The following ACACA variants were observed in gnomAD, a reference collection of about 807,000 sequenced individuals.
ACACA encodes the protein acetyl-CoA carboxylase 1.
Under a neutral mutation model 296.1 loss-of-function variants are expected in ACACA, and 103 were observed. The ratio of observed to expected loss-of-function variants is 0.35; its 90% CI spans 0.30 to 0.41. ACACA has a LOEUF of 0.41. Among genes scored for constraint, ACACA ranks in the 10% least tolerant of loss-of-function variants. The probability of loss-of-function intolerance (pLI) is 1.00; values close to 1 mark genes in which losing one functional copy is unlikely to be tolerated. For missense variants in ACACA, 1,554 were observed against 2,989.7 expected, an observed-to-expected ratio of 0.52 and a Z score of 11.20; for synonymous variants, 953 against 1,038.6, an observed-to-expected ratio of 0.92 and a Z score of 1.58.
At chr17:37,224,198 T>G (rs1055947541) in intron 27 of ACACA, among the ~76,000 whole-genome samples, 1 of 152,152 alleles carries the variant, frequency 6.6e-6, no homozygotes, top group African/African-American at 2.4e-5. Context: ...TGAGACTCTG[T>G]CTCAGAAAAA....
At chr17:37,349,133 T>A (rs959649317) in intron 1 of ACACA, among the ~76,000 whole-genome samples, 1 of 150,704 alleles carries the variant, frequency 6.6e-6, no homozygotes, top group Non-Finnish European at 1.5e-5. Context: ...TGATCGCCGC[T>A]CACTGCAACC....
intron 1 of ACACA, among the ~76,000 whole-genome samples, chr17:37,396,067 T>C (rs181999790): frequency 6.6e-6 from 1 of 152,086 alleles, no homozygotes; most frequent in Admixed American, 6.6e-5. Flanking sequence ...CAGCCAGGCA[T>C]GGTAGCTCAC....
At chr17:37,346,841 T>C (rs1400619550) in intron 1 of ACACA, among the ~76,000 whole-genome samples, 5 of 152,194 alleles carry the variant, frequency 3.3e-5, no homozygotes, top group East Asian at 3.8e-4. Flanking sequence ...CCATTGTATC[T>C]AGGAAGTAAA....
At chr17:37,095,970 TAC>T (rs1318272590) in intron 54 of ACACA, among the ~76,000 whole-genome samples, 1 of 152,136 alleles carries the variant, frequency 6.6e-6, no homozygotes, top group Non-Finnish European at 1.5e-5. Flanking sequence ...TCAGTGGGGT[TAC>T]TGCTCTAGGT....
chr17:37,349,561 C>CT (rs71135708), intron 1 of ACACA, among the ~76,000 whole-genome samples: 26,925 of 134,776 alleles, frequency 0.2, 3,346 homozygotes, highest in Admixed American at 0.35. Flanking sequence ...ATATATATAG[C>CT]TTTTTTTTTT....
Position 37,206,836 on chromosome 17 carries a change from G to C in ACACA, c.3895C>G (p.Gln1299Glu), listed in dbSNP as rs1243462510. The change falls in exon 32 of 56, where the codon CAG (glutamine) becomes GAG (glutamate). Residue 1299 changes from glutamine (Q) to glutamate (E), a missense_variant. Physicochemically the swap from Gln to Glu is conservative, Grantham distance 29. Transcript: ENST00000616317. ...VMGCFSDSPP[Q>E]SPTFPEAGHT... Reference sequence around the variant, plus strand: ...CCTGCCTCAGGGAATGTGGGACTCTGGGGTGGGGAGTCAGAGAAGCAGCCC... The same window carrying C: ...CCTGCCTCAGGGAATGTGGGACTCTCGGGTGGGGAGTCAGAGAAGCAGCCC... 1 of 1,613,916 alleles carries C rather than the reference G, an allele frequency of 6.2e-7. No homozygotes were observed. Among genetic ancestry groups the C allele is most frequent in the Non-Finnish European group, 8.5e-7 (1 of 1,179,806 alleles).
chr17:37,243,890 T>C (rs2080549708), intron 21 of ACACA, among the ~76,000 whole-genome samples: 2 of 152,188 alleles, frequency 1.3e-5, no homozygotes, highest in South Asian at 4.1e-4. Context: ...TTTATATAAT[T>C]TTCAATAGAT....
chr17:37,252,865 T>A (rs777784769), intron 15 of ACACA, 21 bp downstream of exon 15: 5 of 1,614,014 alleles, frequency 3.1e-6, no homozygotes, highest in Non-Finnish European at 4.2e-6. Flanking sequence ...TCCCAGCATC[T>A]GTTTGTGGAG....
At chr17:37,286,880 T>C (rs2082800778) in intron 3 of ACACA, among the ~76,000 whole-genome samples, 1 of 152,206 alleles carries the variant, frequency 6.6e-6, no homozygotes, top group African/African-American at 2.4e-5. Context: ...TCCCCTTTTG[T>C]TCTCCCAGAC....
intron 3 of ACACA, among the ~76,000 whole-genome samples, chr17:37,289,911 C>T (rs1440035414): frequency 6.6e-6 from 1 of 152,232 alleles, no homozygotes; most frequent in Non-Finnish European, 1.5e-5. Context: ...GAGCTTAACA[C>T]ATCTGTTTTC....
At chr17:37,159,469 G>C (rs1448921225) in intron 42 of ACACA, among the ~76,000 whole-genome samples, 1 of 152,146 alleles carries the variant, frequency 6.6e-6, no homozygotes, top group Non-Finnish European at 1.5e-5. Flanking sequence ...TGATCTGCCT[G>C]CCTCGGCCTC....
chr17:37,243,348 A>G, intron 22 of ACACA, 23 bp downstream of exon 22: 1 of 1,610,058 alleles, frequency 6.2e-7, no homozygotes, highest in Non-Finnish European at 8.5e-7. Context: ...CCAGAAAAAA[A>G]TATAGTGTTA....
At position 37,359,388 on chromosome 17, in the gene ACACA, C is replaced by T. The variant is rs906625586; in HGVS notation, c.39-19538G>A. 1.6e-4 allele frequency among the ~76,000 whole-genome samples: 24 copies of T among 151,814 alleles called. No individual in the cohort carries two copies. In the East Asian group the frequency reaches 3.3e-3, roughly 21 times the overall value. Reference sequence around the variant, plus strand: ...ATGGTCCGAGCGCGGATCTGCCATTCGGGGCCCAGCGGCTAGAGGGCGGGC... The same window carrying T: ...ATGGTCCGAGCGCGGATCTGCCATTTGGGGCCCAGCGGCTAGAGGGCGGGC... On this transcript the variant is annotated intron_variant, in intron 1 of 55. Coordinates refer to ENST00000616317, the MANE Select transcript of ACACA (RefSeq NM_198834.3).
At chr17:37,246,697 T>G (rs888564358) in intron 19 of ACACA, 129 bp downstream of exon 19, 9 of 1,260,082 alleles carry the variant, frequency 7.1e-6, no homozygotes, top group Non-Finnish European at 9.1e-6. Flanking sequence ...CCTCCCAAAG[T>G]GGTAGGATTA....
intron 14 of ACACA, among the ~76,000 whole-genome samples, chr17:37,257,157 G>A (rs1484436447): frequency 1.3e-5 from 2 of 152,028 alleles, no homozygotes; most frequent in Non-Finnish European, 2.9e-5. Context: ...GCATGCTAAG[G>A]TCTCTTGTAT....
intron 39 of ACACA, among the ~76,000 whole-genome samples, chr17:37,184,407 C>T (rs1428022198): frequency 6.6e-6 from 1 of 152,194 alleles, no homozygotes; most frequent in African/African-American, 2.4e-5. Context: ...TTGGGGGTGC[C>T]CCTTGCTAGT....
chr17:37,330,427 T>C lies in ACACA; in HGVS notation c.86-2A>G. Reference sequence around the variant, plus strand: ...TTCCTCCAAAATGAGCTCTTACAGCTATGGAGAAAATGAAAAGTGAGAAAG... The same window carrying C: ...TTCCTCCAAAATGAGCTCTTACAGCCATGGAGAAAATGAAAAGTGAGAAAG... On this transcript the variant is annotated splice_acceptor_variant, in intron 2 of 55. Transcript: ENST00000616317. LOFTEE classifies it high-confidence loss of function. The C allele has an allele frequency of 6.2e-7, 1 of 1,614,140 alleles. No individual in the cohort carries two copies. Among genetic ancestry groups the C allele is most frequent in the South Asian group, 1.1e-5 (1 of 91,084 alleles).
At chr17:37,358,669 C>T (rs1306970911) in intron 1 of ACACA, among the ~76,000 whole-genome samples, 3 of 152,230 alleles carry the variant, frequency 2.0e-5, no homozygotes, top group Non-Finnish European at 1.5e-5. Context: ...CACGCTGGAG[C>T]TGGGCAAGAG....
At chr17:37,251,629 G>C (rs866340073) in intron 16 of ACACA, among the ~76,000 whole-genome samples, 10 of 152,202 alleles carry the variant, frequency 6.6e-5, no homozygotes, top group Admixed American at 3.9e-4. Flanking sequence ...ATTTACTTCT[G>C]AAAGGTGGTA....
Sources: allele counts gnomAD v4.1 joint callset (sites outside exome capture counted in the v4.1 genomes callset), GRCh38; gene constraint gnomAD v4.1.1; transcripts MANE v1.5; gene names NCBI Gene and HGNC (gene_info 2026-07-23, HGNC 2026-07-21).